SGPP1: variants seen among roughly 807,000 people sequenced by gnomAD.
SGPP1 encodes the protein sphingosine-1-phosphate phosphatase 1.
Under a neutral mutation model 33.0 loss-of-function variants are expected in SGPP1, and 21 were observed. The observed-to-expected ratio is 0.64, with a 90% CI of 0.45 to 0.92. The LOEUF (loss-of-function observed/expected upper bound fraction) is 0.92. Among genes scored for constraint, SGPP1 ranks in the 40% least tolerant of loss-of-function variants. SGPP1 has a pLI of 0.00. For missense variants in SGPP1, 543 were observed against 589.4 expected (o/e 0.92, Z 0.81); for synonymous variants, 239 against 241.2 (o/e 0.99, Z 0.08).
Position 63,727,743 on chromosome 14 carries a change from G to T in SGPP1, c.202C>A (p.Pro68Thr). ...RQPGAPGGPQ[P>T]PGSDRNQCPA... ...CACTGATTGCGGTCGCTCCCGGGAGGCTGGGGGCCTCCAGGCGCCCCTGGC... is the reference window on the plus strand; with the variant it reads ...CACTGATTGCGGTCGCTCCCGGGAGTCTGGGGGCCTCCAGGCGCCCCTGGC... The change falls in exon 1 of 3, where the codon CCT (proline) becomes ACT (threonine). Residue 68 changes from proline to threonine, a missense_variant. By Grantham distance (38) the Pro-to-Thr change is conservative. Transcript: ENST00000247225. The T allele has an allele frequency of 6.8e-7, 1 of 1,477,146 alleles. No homozygotes were observed. The highest frequency in any genetic ancestry group is 8.9e-7 in the Non-Finnish European group (1 of 1,121,212). 91.5% of individuals were successfully genotyped at this position (1,477,146 alleles called of 1,614,324 possible).
intron 2 of SGPP1, among the ~76,000 whole-genome samples, chr14:63,695,655 T>C (rs1203187588): frequency 6.6e-6 from 1 of 152,216 alleles, no homozygotes; most frequent in East Asian, 1.9e-4. Flanking sequence ...CTCACATCTG[T>C]AATCCCAGCA....
chr14:63,726,104 G>A (rs1004201930), intron 1 of SGPP1, among the ~76,000 whole-genome samples: 1 of 152,164 alleles, frequency 6.6e-6, no homozygotes, highest in African/African-American at 2.4e-5. Context: ...TCCATGTACT[G>A]TAAGAGAGAT....
At chr14:63,715,749 G>A (rs116296090) in intron 1 of SGPP1, among the ~76,000 whole-genome samples, 1,881 of 152,270 alleles carry the variant, frequency 0.012, 30 homozygotes, top group African/African-American at 0.043. Context: ...GAGATATGTA[G>A]AGGGAACTCA....
intron 1 of SGPP1, among the ~76,000 whole-genome samples, chr14:63,709,192 T>C (rs1382626370): frequency 1.3e-5 from 2 of 152,058 alleles, no homozygotes; most frequent in African/African-American, 2.4e-5. Context: ...TTGGCCAACA[T>C]AGTGAAACTC....
At chr14:63,688,441 G>T (rs574385538) in intron 2 of SGPP1, among the ~76,000 whole-genome samples, 1 of 152,058 alleles carries the variant, frequency 6.6e-6, no homozygotes, top group African/African-American at 2.4e-5. Context: ...GTTTTAGGTA[G>T]GAGCAATTGT....
At chr14:63,688,621 A>G (rs1885031005) in intron 2 of SGPP1, among the ~76,000 whole-genome samples, 1 of 151,882 alleles carries the variant, frequency 6.6e-6, no homozygotes, top group Non-Finnish European at 1.5e-5. Context: ...CACTGTCTCC[A>G]CTTCCTCACC....
Position 63,714,195 on chromosome 14 carries a change from G to A in SGPP1, c.684+13066C>T, listed in dbSNP as rs749211061. On this transcript the variant is annotated intron_variant, in intron 1 of 2. Transcript: ENST00000247225. Reference sequence around the variant, plus strand: ...AAAATGTAGAAACTTAATAAACGAAGTGATGTACATCTGCATTTGTGAAAG... The same window carrying A: ...AAAATGTAGAAACTTAATAAACGAAATGATGTACATCTGCATTTGTGAAAG... Among the ~76,000 whole-genome samples the A allele has an allele frequency of 5.9e-5, 9 of 152,200 alleles. No individual in the cohort carries two copies. The South Asian group carries it at 1.4e-3, about 24-fold the overall frequency.
At chr14:63,713,491 T>C (rs1054050194) in intron 1 of SGPP1, among the ~76,000 whole-genome samples, 2 of 152,344 alleles carry the variant, frequency 1.3e-5, no homozygotes, top group Middle Eastern at 3.4e-3. Flanking sequence ...AAACGGTCTA[T>C]GTCAGAACTG....
At chr14:63,716,424 G>T (rs1016635220) in intron 1 of SGPP1, among the ~76,000 whole-genome samples, 1 of 151,988 alleles carries the variant, frequency 6.6e-6, no homozygotes, top group Admixed American at 6.6e-5. Flanking sequence ...AATCCGGGGG[G>T]TGGAGGTTGC....
intron 1 of SGPP1, among the ~76,000 whole-genome samples, chr14:63,699,266 T>C (rs139941551): frequency 6.7e-4 from 102 of 152,262 alleles, no homozygotes; most frequent in Middle Eastern, 3.4e-3. Flanking sequence ...GGAAAAAGCA[T>C]AAACAGAAAG....
In SGPP1 at chr14:63,727,525, G is replaced by A; in HGVS notation, c.420C>T (p.Asn140=). ...CLFCFGTELG[N]ELFYILFFPF... ...GGAAGAACAGGATGTAGAAGAGTTC[G>A]TTGCCCAGCTCCGTGCCGAAGCAGA... Residue 140 remains asparagine (N), a synonymous_variant, in exon 1 of 3, where the codon AAC becomes AAT. Transcript: ENST00000247225. 1.2e-6 allele frequency: 2 copies of A among 1,614,038 alleles called. No individual in the cohort carries two copies. Among genetic ancestry groups the A allele is most frequent in the Admixed American group, 1.7e-5 (1 of 60,030 alleles).
intron 2 of SGPP1, among the ~76,000 whole-genome samples, chr14:63,692,555 T>C (rs1411822307): frequency 6.6e-6 from 1 of 151,980 alleles, no homozygotes; most frequent in Admixed American, 6.6e-5. Flanking sequence ...GCTCAATTGA[T>C]CCTCCCACCT....
At chr14:63,717,829 A>G (rs1048000730) in intron 1 of SGPP1, among the ~76,000 whole-genome samples, 2 of 152,208 alleles carry the variant, frequency 1.3e-5, no homozygotes. Flanking sequence ...AAAAGAGAAA[A>G]TTTTAAAACC....
chr14:63,699,263 G>T (rs185017024), intron 1 of SGPP1, among the ~76,000 whole-genome samples: 1 of 152,244 alleles, frequency 6.6e-6, no homozygotes, highest in Admixed American at 6.5e-5. Context: ...AAGGGAAAAA[G>T]CATAAACAGA....
chr14:63,691,420 A>G (rs1420532448), intron 2 of SGPP1, among the ~76,000 whole-genome samples: 1 of 152,212 alleles, frequency 6.6e-6, no homozygotes, highest in Non-Finnish European at 1.5e-5. Flanking sequence ...TTTCCTACCT[A>G]TATTTCAGGC....
At chr14:63,703,163 G>C (rs1437963820) in intron 1 of SGPP1, among the ~76,000 whole-genome samples, 1 of 151,766 alleles carries the variant, frequency 6.6e-6, no homozygotes, top group South Asian at 2.1e-4. Context: ...GTTGCAGGGT[G>C]TAAGATCAAC....
rs118165411 is a variant in SGPP1, at chr14:63,706,005, T to C, written c.685-7347A>G. On this transcript the variant is annotated intron_variant, in intron 1 of 2. Coordinates refer to ENST00000247225, the MANE Select transcript of SGPP1 (RefSeq NM_030791.4). ...ATGTTCATACCAGTACTATTCACAA[T>C]AACCAAAAGGCGGGCATAGCCCAAG... Among the ~76,000 whole-genome samples, 45 of 152,332 alleles carry C rather than the reference T, an allele frequency of 3.0e-4. No homozygotes were observed. The East Asian group carries it at 7.9e-3, about 27-fold the overall frequency.
At chr14:63,703,312 T>G (rs552687034) in intron 1 of SGPP1, among the ~76,000 whole-genome samples, 1 of 151,862 alleles carries the variant, frequency 6.6e-6, no homozygotes, top group Admixed American at 6.6e-5. Flanking sequence ...ACTAAGGAAG[T>G]GAAAGGTTTG....
chr14:63,692,760 T>C (rs1370102067), intron 2 of SGPP1, among the ~76,000 whole-genome samples: 1 of 151,950 alleles, frequency 6.6e-6, no homozygotes, highest in Admixed American at 6.6e-5. Context: ...CCTCAACACT[T>C]TTTTTTTGAA....
Sources: gnomAD v4.1 joint callset for allele counts (sites outside exome capture counted in the v4.1 genomes callset) on GRCh38, gnomAD v4.1.1 for gene constraint, MANE v1.5 for transcripts, NCBI Gene and HGNC (gene_info 2026-07-23, HGNC 2026-07-21) for gene names.